The following RBFOX1 variants were observed in gnomAD, a reference collection of about 807,000 sequenced individuals.
The protein encoded by RBFOX1 is RNA binding protein fox-1 homolog 1.
RBFOX1 carries 8 observed loss-of-function variants against 57.7 expected under a neutral mutation model. The ratio of observed to expected loss-of-function variants is 0.14; its 90% CI spans 0.08 to 0.25. The LOEUF is 0.25. RBFOX1 is among the 10% of genes least tolerant of loss of function. The pLI is 1.00. For missense variants in RBFOX1, 611 were observed against 548.5 expected (o/e 1.11, Z -1.14); for synonymous variants, 326 against 222.4 (o/e 1.47, Z -4.15).
intron 5 of RBFOX1, among the ~76,000 whole-genome samples, chr16:7,535,101 G>A (rs191095366): frequency 4.0e-4 from 61 of 152,136 alleles, no homozygotes; most frequent in Middle Eastern, 3.4e-3. Flanking sequence ...TTTATTAACC[G>A]CTTTTATATT....
chr16:5,566,840 CTTG>C (rs1567237728), intron 2 of RBFOX1, among the ~76,000 whole-genome samples: 1 of 152,082 alleles, frequency 6.6e-6, no homozygotes, highest in East Asian at 1.9e-4. Context: ...GACTCACTCC[CTTG>C]TTGTGTATTT....
At chr16:7,224,266 G>C (rs2092948774) in intron 4 of RBFOX1, among the ~76,000 whole-genome samples, 1 of 150,330 alleles carries the variant, frequency 6.7e-6, no homozygotes, top group African/African-American at 2.4e-5. Flanking sequence ...CATCGTACAA[G>C]CCAGCAGTTA....
At chr16:5,706,899 T>C (rs1259911692) in intron 3 of RBFOX1, among the ~76,000 whole-genome samples, 2 of 152,134 alleles carry the variant, frequency 1.3e-5, no homozygotes, top group African/African-American at 4.8e-5. Flanking sequence ...CCTCCAGCCC[T>C]AGCCTAAGCC....
intron 1 of RBFOX1, chr16:6,039,076 C>G (rs887331336): frequency 6.7e-6 from 1 of 148,236 alleles, no homozygotes; most frequent in Non-Finnish European, 1.5e-5. Flanking sequence ...AAAGTTTCCA[C>G]TCCCCAGACC....
intron 3 of RBFOX1, among the ~76,000 whole-genome samples, chr16:6,984,675 C>A (rs779077179): frequency 3.9e-5 from 6 of 152,058 alleles, no homozygotes; most frequent in South Asian, 2.1e-4. Flanking sequence ...GATGGAGTCT[C>A]TGTTGACCAG....
chr16:7,109,545 T>A (rs7188783), intron 4 of RBFOX1, among the ~76,000 whole-genome samples: 29,428 of 151,690 alleles, frequency 0.19, 3,074 homozygotes, highest in East Asian at 0.43. Context: ...GAGAGGGAGG[T>A]CTCTGCAGTT....
In RBFOX1 at chr16:7,356,055, T is replaced by C. The variant is rs1283083795; in HGVS notation, c.28-162092T>C. 2.0e-5 allele frequency among the ~76,000 whole-genome samples: 3 copies of C among 152,228 alleles called. No individual in the cohort carries two copies. The East Asian group carries it at 5.8e-4, about 29-fold the overall frequency. On this transcript the variant is annotated intron_variant, in intron 4 of 15. Transcript: ENST00000550418. ...GCAAGCTCCAACGAGTTCTCTCTAA[T>C]GGGGCTGCATGTCTCCAATACCTGG...
At chr16:6,508,633 C>A (rs1046826070) in intron 2 of RBFOX1, among the ~76,000 whole-genome samples, 1 of 152,046 alleles carries the variant, frequency 6.6e-6, no homozygotes, top group Non-Finnish European at 1.5e-5. Context: ...CTTTACTTTT[C>A]TCTTGAACTT....
chr16:5,780,709 G>C (rs781123235), intron 3 of RBFOX1, among the ~76,000 whole-genome samples: 1 of 152,146 alleles, frequency 6.6e-6, no homozygotes. Flanking sequence ...AGGCCACTCA[G>C]CTTCTGAAAT....
intron 3 of RBFOX1, among the ~76,000 whole-genome samples, chr16:6,962,139 G>A (rs986088216): frequency 6.6e-6 from 1 of 152,134 alleles, no homozygotes; most frequent in East Asian, 1.9e-4. Context: ...CTGAAGTCTT[G>A]ATAGGAGAAT....
intron 4 of RBFOX1, among the ~76,000 whole-genome samples, chr16:6,004,540 A>G (rs2060659600): frequency 2.0e-5 from 3 of 152,362 alleles, no homozygotes; most frequent in Middle Eastern, 3.4e-3. Flanking sequence ...ATGAATGTCC[A>G]GAAGGTTTTA....
chr16:7,395,523 C>T (rs1345959167), intron 4 of RBFOX1, among the ~76,000 whole-genome samples: 1 of 152,158 alleles, frequency 6.6e-6, no homozygotes, highest in Non-Finnish European at 1.5e-5. Context: ...TACTAAATCT[C>T]TTGAGTTACA....
At chr16:5,363,788 C>T (rs1020932330) in intron 1 of RBFOX1, among the ~76,000 whole-genome samples, 12 of 152,216 alleles carry the variant, frequency 7.9e-5, no homozygotes, top group South Asian at 2.1e-4. Context: ...CCAGAAGGGT[C>T]AGAGAGATCT....
At chr16:7,351,100 G>C (rs1223612878) in intron 4 of RBFOX1, among the ~76,000 whole-genome samples, 1 of 152,182 alleles carries the variant, frequency 6.6e-6, no homozygotes, top group Non-Finnish European at 1.5e-5. Flanking sequence ...AGCAGAAGTA[G>C]AGAAGGCCCC....
intron 1 of RBFOX1, among the ~76,000 whole-genome samples, chr16:5,272,059 T>C (rs903377265): frequency 6.6e-6 from 1 of 152,240 alleles, no homozygotes; most frequent in Non-Finnish European, 1.5e-5. Flanking sequence ...GCAGTGAACA[T>C]AGGAATGTAG....
chr16:6,585,798 T>C (rs1410737898), intron 2 of RBFOX1, among the ~76,000 whole-genome samples: 1 of 152,170 alleles, frequency 6.6e-6, no homozygotes, highest in African/African-American at 2.4e-5. Flanking sequence ...TCTTTCTTTC[T>C]CTCCTCTTTG....
rs59758084 is a variant in RBFOX1, at chr16:6,003,281, C to CAAAA, written c.351+135960_351+135963dup. 3.8e-3 allele frequency among the ~76,000 whole-genome samples: 292 copies of CAAAA among 77,568 alleles called. 5 individuals carry two copies. The highest frequency in any genetic ancestry group is 0.014 in the African/African-American group (284 of 19,962). The allele number at this position is 77,568 out of a possible 152,430, so 50.9% of individuals were successfully genotyped here. ...GCGACAGAGAGCAAGACTCTGTCTC[C>CAAAA]AAAAAAAAAAAAAAAAAGCAATGAG... On this transcript the variant is annotated intron_variant, in intron 4 of 19. Coordinates refer to the RBFOX1 transcript ENST00000641259.
intron 4 of RBFOX1, among the ~76,000 whole-genome samples, chr16:7,056,104 C>T (rs1163094080): frequency 1.3e-5 from 2 of 152,130 alleles, no homozygotes; most frequent in African/African-American, 2.4e-5. Flanking sequence ...TAGGTGTGGG[C>T]AGCAGGCATG....
intron 3 of RBFOX1, among the ~76,000 whole-genome samples, chr16:6,860,515 A>G (rs747955153): frequency 1.3e-5 from 2 of 152,198 alleles, no homozygotes; most frequent in Admixed American, 6.5e-5. Flanking sequence ...TAGTAACATC[A>G]TGGGACATTC....
Sources: gnomAD v4.1 joint callset for allele counts (sites outside exome capture counted in the v4.1 genomes callset) on GRCh38, gnomAD v4.1.1 for gene constraint, MANE v1.5 for transcripts, NCBI Gene and HGNC (gene_info 2026-07-23, HGNC 2026-07-21) for gene names.